The following OR1L6 variants were observed in gnomAD, a reference collection of about 807,000 sequenced individuals.
The protein encoded by OR1L6 is olfactory receptor family 1 subfamily L member 6.
OR1L6 carries 2 observed loss-of-function variants against 3.0 expected under a neutral mutation model. That is an observed-to-expected ratio of 0.68 (90% CI 0.28 to 2.13). The LOEUF (loss-of-function observed/expected upper bound fraction) is 2.13. Among genes scored for constraint, OR1L6 ranks in the 30% most tolerant of loss-of-function variants. OR1L6 has a pLI of 0.14. For synonymous variants in OR1L6, 121 were observed against 148.4 expected, an observed-to-expected ratio of 0.82 and a Z score of 1.34; for missense variants, 304 against 378.4, an observed-to-expected ratio of 0.80 and a Z score of 1.63.
At chr9:122,745,223 AC>A (rs1466709635) in intron 1 of OR1L6, among the ~76,000 whole-genome samples, 1 of 152,158 alleles carries the variant, frequency 6.6e-6, no homozygotes, top group Non-Finnish European at 1.5e-5. Context: ...GTATATACAG[AC>A]AAAAAATATC....
intron 1 of OR1L6, among the ~76,000 whole-genome samples, chr9:122,746,023 G>A (rs1320282555): frequency 6.6e-6 from 1 of 151,912 alleles, no homozygotes; most frequent in Non-Finnish European, 1.5e-5. Flanking sequence ...CCCTCCCCTT[G>A]CCCTCCACTC....
chr9:122,744,462 C>T (rs552861536), intron 1 of OR1L6, among the ~76,000 whole-genome samples: 1 of 151,958 alleles, frequency 6.6e-6, no homozygotes, highest in South Asian at 2.1e-4. Context: ...GATGAGTAAA[C>T]AAGAAAAGGA....
chr9:122,750,615 T>C lies in OR1L6; in HGVS notation c.768T>C (p.Ile256=). 2 of 1,614,186 alleles carry C rather than the reference T, an allele frequency of 1.2e-6. No individual in the cohort carries two copies. The highest frequency in any genetic ancestry group is 1.1e-5 in the South Asian group (1 of 91,080). Reference sequence around the variant, plus strand: ...CAGTAGCCCTTTTCTATGGGAGTATTATTTATGTCTATTTTAGGCCCCTGT... The same window carrying C: ...CAGTAGCCCTTTTCTATGGGAGTATCATTTATGTCTATTTTAGGCCCCTGT... ...LTAVALFYGS[I]IYVYFRPLSM... The change falls in exon 2 of 2, where the codon ATT becomes ATC. Residue 256 remains isoleucine, a synonymous_variant. Coordinates refer to ENST00000304720, the MANE Select transcript of OR1L6 (RefSeq NM_001004453.3).
intron 1 of OR1L6, among the ~76,000 whole-genome samples, chr9:122,748,061 T>C (rs1009243628): frequency 6.6e-6 from 1 of 152,166 alleles, no homozygotes; most frequent in Non-Finnish European, 1.5e-5. Flanking sequence ...CTAATCACAG[T>C]AACATAGGCT....
At chr9:122,749,439 A>G (rs1268481725) in intron 1 of OR1L6, among the ~76,000 whole-genome samples, 1 of 152,224 alleles carries the variant, frequency 6.6e-6, no homozygotes, top group Non-Finnish European at 1.5e-5. Flanking sequence ...GGCAGCCTGG[A>G]TAATTTTAAC....
chr9:122,750,091 A>G lies in OR1L6; in HGVS notation c.244A>G (p.Met82Val), dbSNP rs766936650. ...CTTCACAACAGTCATAGTGCCTAAGATGCTGGTGAATTTTCTATCAGAGAC... is the reference window on the plus strand; with the variant it reads ...CTTCACAACAGTCATAGTGCCTAAGGTGCTGGTGAATTTTCTATCAGAGAC... Reference protein sequence around the residue: ...ICFTTVIVPKMLVNFLSETKV... With the variant: ...ICFTTVIVPKVLVNFLSETKV... Residue 82 changes from methionine (M) to valine (V), a missense_variant, in exon 2 of 2, where the codon ATG becomes GTG. Physicochemically the swap from Met to Val is conservative, Grantham distance 21. Coordinates refer to ENST00000304720, the MANE Select transcript of OR1L6 (RefSeq NM_001004453.3). The G allele has an allele frequency of 5.6e-6, 9 of 1,614,032 alleles. No individual in the cohort carries two copies. In the Admixed American group the frequency reaches 1.5e-4, roughly 27 times the overall value.
Position 122,750,678 on chromosome 9 carries a change from T to C in OR1L6, c.831T>C (p.Val277=), listed in dbSNP as rs748040316. The change falls in exon 2 of 2, where the codon GTT becomes GTC. Residue 277 remains valine (V), a synonymous_variant. Coordinates refer to ENST00000304720, the MANE Select transcript of OR1L6 (RefSeq NM_001004453.3). ...YSVVRDRVAT[V]MYTVVTPMLN... is the part of the protein sequence containing the mutation. ...TGGTTAGGGACCGGGTAGCCACAGT[T>C]ATGTACACAGTAGTGACACCCATGC... 1.2e-6 allele frequency: 2 copies of C among 1,614,038 alleles called. No homozygotes were observed. The highest frequency in any genetic ancestry group is 1.7e-6 in the Non-Finnish European group (2 of 1,180,036).
At chr9:122,743,682 G>A (rs1459493388) in intron 1 of OR1L6, among the ~76,000 whole-genome samples, 1 of 152,162 alleles carries the variant, frequency 6.6e-6, no homozygotes, top group Non-Finnish European at 1.5e-5. Context: ...CAAAATCAGA[G>A]GGCTGTTGTT....
At chr9:122,748,333 T>C (rs1047282389) in intron 1 of OR1L6, among the ~76,000 whole-genome samples, 5 of 151,962 alleles carry the variant, frequency 3.3e-5, no homozygotes, top group Non-Finnish European at 7.4e-5. Flanking sequence ...AAGGGTGTCA[T>C]TCATGGAGAT....
At chr9:122,745,001 G>A (rs1828821302) in intron 1 of OR1L6, among the ~76,000 whole-genome samples, 2 of 152,206 alleles carry the variant, frequency 1.3e-5, no homozygotes, top group South Asian at 4.1e-4. Flanking sequence ...GATAAACTGT[G>A]TCCCAGGGGT....
chr9:122,748,844 T>C (rs1433514679), intron 1 of OR1L6, among the ~76,000 whole-genome samples: 2 of 152,236 alleles, frequency 1.3e-5, no homozygotes, highest in Non-Finnish European at 2.9e-5. Context: ...GTGCCTGGCT[T>C]GTTTCACTCA....
At chr9:122,743,807 G>A (rs551860965) in intron 1 of OR1L6, among the ~76,000 whole-genome samples, 64 of 152,296 alleles carry the variant, frequency 4.2e-4, no homozygotes, top group Non-Finnish European at 5.0e-4. Context: ...CGTGTAGGAA[G>A]GAAGGAAATC....
intron 1 of OR1L6, among the ~76,000 whole-genome samples, chr9:122,742,926 C>G (rs1023085165): frequency 2.6e-5 from 4 of 152,192 alleles, no homozygotes; most frequent in Non-Finnish European, 5.9e-5. Context: ...GGACTGGGCC[C>G]CTCCAGATAT....
rs757658954 is a variant in OR1L6 at position 122,749,733 on chromosome 9, A to G, written c.-13-102A>G. 4 of 1,098,416 alleles carry G rather than the reference A, an allele frequency of 3.6e-6. No individual in the cohort carries two copies. In the Admixed American group the frequency reaches 5.8e-5, roughly 16 times the overall value. The allele number at this position is 1,098,416 out of a possible 1,614,324, so 68.0% of individuals were successfully genotyped here. Reference sequence around the variant, plus strand: ...AAAGAAAAAAAAAACAACCGTAACAAAGGGCTATGAGCTATTTTTACAGGC... The same window carrying G: ...AAAGAAAAAAAAAACAACCGTAACAGAGGGCTATGAGCTATTTTTACAGGC... On this transcript the variant is annotated intron_variant, in intron 1 of 1. Transcript: ENST00000304720.
At chr9:122,748,066 T>C (rs183125427) in intron 1 of OR1L6, among the ~76,000 whole-genome samples, 92 of 152,296 alleles carry the variant, frequency 6.0e-4, no homozygotes, top group African/African-American at 2.1e-3. Flanking sequence ...CACAGTAACA[T>C]AGGCTATTCC....
At chr9:122,744,554 C>T (rs2118906833) in intron 1 of OR1L6, among the ~76,000 whole-genome samples, 1 of 152,262 alleles carries the variant, frequency 6.6e-6, no homozygotes, top group African/African-American at 2.4e-5. Context: ...ATCCACATTT[C>T]CTGTCTGTCA....
At position 122,750,175 on chromosome 9, in the gene OR1L6, A is replaced by G. The variant is rs760049032; in HGVS notation, c.328A>G (p.Asn110Asp). The change falls in exon 2 of 2, where the codon AAC (asparagine) becomes GAC (aspartate). Residue 110 changes from asparagine (N) to aspartate (D), a missense_variant. Physicochemically the swap from Asn to Asp is conservative, Grantham distance 23. Around this residue, in one of 3 missense-constraint regions of OR1L6, gnomAD observed 192 missense variants for 242.7 expected, o/e 0.79. Coordinates refer to ENST00000304720, the MANE Select transcript of OR1L6 (RefSeq NM_001004453.3). ...AQMYFFMAFG[N>D]TDSYLLASMA... ...GATGTACTTCTTTATGGCATTTGGGAACACTGACAGCTACCTGCTGGCCTC... is the reference window on the plus strand; with the variant it reads ...GATGTACTTCTTTATGGCATTTGGGGACACTGACAGCTACCTGCTGGCCTC... 2.0e-5 allele frequency: 33 copies of G among 1,613,560 alleles called. No individual in the cohort carries two copies. The highest frequency in any genetic ancestry group is 5.0e-5 in the Admixed American group (3 of 59,958).
chr9:122,745,635 A>T (rs1431075748), intron 1 of OR1L6, among the ~76,000 whole-genome samples: 2 of 151,072 alleles, frequency 1.3e-5, no homozygotes, highest in Non-Finnish European at 3.0e-5. Flanking sequence ...GATGGTCTTG[A>T]TCTCCTCACC....
At chr9:122,749,633 G>A (rs538931657) in intron 1 of OR1L6, 76 of 629,668 alleles carry the variant, frequency 1.2e-4, no homozygotes, top group African/African-American at 1.0e-3. Context: ...GCATGAACCC[G>A]AGAGGCGGAG....
Sources: allele counts gnomAD v4.1 joint callset (sites outside exome capture counted in the v4.1 genomes callset), GRCh38; gene constraint gnomAD v4.1.1; regional missense constraint gnomAD v4.1.1; transcripts MANE v1.5; gene names NCBI Gene and HGNC (gene_info 2026-07-23, HGNC 2026-07-21).